MAGI2: variants seen among roughly 807,000 people sequenced by gnomAD.
MAGI2 encodes membrane-associated guanylate kinase, WW and PDZ domain-containing protein 2.
Under a neutral mutation model 133.3 loss-of-function variants are expected in MAGI2, and 35 were observed. The ratio of observed to expected loss-of-function variants is 0.26; its 90% CI spans 0.20 to 0.35. The LOEUF (loss-of-function observed/expected upper bound fraction) is 0.35. Among genes scored for constraint, MAGI2 ranks in the 10% least tolerant of loss-of-function variants. MAGI2 has a pLI of 1.00. For missense variants in MAGI2, 1,636 were observed against 1,863.4 expected (o/e 0.88, Z 2.25); for synonymous variants, 729 against 710.6 (o/e 1.03, Z -0.41).
intron 3 of MAGI2, among the ~76,000 whole-genome samples, chr7:78,557,608 A>G (rs1359632851): frequency 6.6e-6 from 1 of 152,200 alleles, no homozygotes; most frequent in East Asian, 1.9e-4. Flanking sequence ...ACTATGAAAC[A>G]GGATGCTGAC....
At chr7:78,894,454 G>A (rs1797043215) in intron 2 of MAGI2, among the ~76,000 whole-genome samples, 1 of 151,986 alleles carries the variant, frequency 6.6e-6, no homozygotes, top group Non-Finnish European at 1.5e-5. Context: ...TGGGGCCCAG[G>A]ATTAAAAAAT....
At chr7:79,100,170 A>G (rs1456951739) in intron 1 of MAGI2, among the ~76,000 whole-genome samples, 1 of 152,072 alleles carries the variant, frequency 6.6e-6, no homozygotes, top group East Asian at 1.9e-4. Flanking sequence ...TTTTAGGTTT[A>G]TCTGTGCTTC....
At chr7:78,786,306 A>G (rs1024575389) in intron 2 of MAGI2, among the ~76,000 whole-genome samples, 2 of 152,202 alleles carry the variant, frequency 1.3e-5, no homozygotes, top group Admixed American at 1.3e-4. Flanking sequence ...TGTAATATGG[A>G]TTATAGCAGT....
chr7:78,082,073 C>T (rs1816032440), intron 20 of MAGI2, among the ~76,000 whole-genome samples: 1 of 152,248 alleles, frequency 6.6e-6, no homozygotes, highest in East Asian at 1.9e-4. Context: ...CAGCCACTGC[C>T]GCCTTGTGGT....
At position 78,106,559 on chromosome 7, in the gene MAGI2, T is replaced by A. The variant is rs1818713444; in HGVS notation, c.3567+19135A>T. 2.0e-5 allele frequency among the ~76,000 whole-genome samples: 3 copies of A among 152,162 alleles called. No individual in the cohort carries two copies. The South Asian group carries it at 6.2e-4, about 31-fold the overall frequency. ...TTGGATAAAAGCCATTTAACTGGGG[T>A]GAGATGATATCTCATTGTAGGTTTG... On this transcript the variant is annotated intron_variant, in intron 20 of 21. Transcript: ENST00000354212.
chr7:78,861,605 C>G (rs1234623930), intron 2 of MAGI2, among the ~76,000 whole-genome samples: 2 of 152,200 alleles, frequency 1.3e-5, no homozygotes, highest in Non-Finnish European at 2.9e-5. Context: ...ACCTACCATT[C>G]ACTAGTGATG....
intron 1 of MAGI2, among the ~76,000 whole-genome samples, chr7:79,092,829 C>T (rs1432440586): frequency 6.6e-6 from 1 of 152,116 alleles, no homozygotes; most frequent in African/African-American, 2.4e-5. Flanking sequence ...ATCACTACAT[C>T]AACCCCTAAT....
At chr7:79,271,735 C>A (rs1834895719) in intron 1 of MAGI2, among the ~76,000 whole-genome samples, 1 of 150,376 alleles carries the variant, frequency 6.6e-6, no homozygotes, top group African/African-American at 2.5e-5. Flanking sequence ...TGCCACCACA[C>A]CCCTCCATCG....
Position 78,329,105 on chromosome 7 carries a change from C to T in MAGI2, c.1408+14673G>A, listed in dbSNP as rs149207027. On this transcript the variant is annotated intron_variant, in intron 9 of 21. Coordinates refer to ENST00000354212, the MANE Select transcript of MAGI2 (RefSeq NM_012301.4). ...AGCAAAGTAGTAAGTTAGATGATGA[C>T]ACTCAAGATTTACCATGTGTACTCT... is the stretch of plus-strand genomic sequence containing the variant. Among the ~76,000 whole-genome samples, 129 of 152,224 alleles carry T rather than the reference C, an allele frequency of 8.5e-4. No individual in the cohort carries two copies. In the South Asian group the frequency reaches 0.012, roughly 15 times the overall value.
intron 3 of MAGI2, among the ~76,000 whole-genome samples, chr7:78,572,420 T>C (rs1284069563): frequency 2.0e-5 from 3 of 152,132 alleles, no homozygotes; most frequent in Non-Finnish European, 1.5e-5. Flanking sequence ...AGTTCATAGA[T>C]GTGGGGCTAT....
At chr7:79,326,383 G>T (rs1242295529) in intron 1 of MAGI2, among the ~76,000 whole-genome samples, 1 of 152,094 alleles carries the variant, frequency 6.6e-6, no homozygotes, top group African/African-American at 2.4e-5. Flanking sequence ...CTTAGCTCAG[G>T]TTACACTATG....
intron 9 of MAGI2, among the ~76,000 whole-genome samples, chr7:78,306,064 G>A (rs750238456): frequency 1.6e-4 from 25 of 152,108 alleles, no homozygotes; most frequent in African/African-American, 4.8e-4. Context: ...ATTGCAAGTC[G>A]TTGTTGTGGT....
chr7:79,368,847 CAAAAAAAAAAAA>C (rs71095400), intron 1 of MAGI2, among the ~76,000 whole-genome samples: 17,140 of 75,560 alleles, frequency 0.23, 1,253 homozygotes, highest in Middle Eastern at 0.35. Context: ...GACTCCGTCT[CAAAAAAAAAAAA>C]AAAAAAAAAA....
At chr7:79,141,111 C>T (rs1407057957) in intron 1 of MAGI2, among the ~76,000 whole-genome samples, 1 of 152,148 alleles carries the variant, frequency 6.6e-6, no homozygotes, top group South Asian at 2.1e-4. Flanking sequence ...AATTAAAACA[C>T]CTTTCTTCTA....
In MAGI2 at chr7:78,729,439, A is replaced by G. The variant is rs1012019780; in HGVS notation, c.419-102200T>C. Among the ~76,000 whole-genome samples, 3 of 152,212 alleles carry G rather than the reference A, an allele frequency of 2.0e-5. No individual in the cohort carries two copies. In the South Asian group the frequency reaches 6.2e-4, roughly 32 times the overall value. ...TGGCATAGTACTGAAAGAATAGCAA[A>G]AAGAATTCCAGAAGCACACCTTGGC... On this transcript the variant is annotated intron_variant, in intron 2 of 21. Coordinates refer to ENST00000354212, the MANE Select transcript of MAGI2 (RefSeq NM_012301.4).
intron 2 of MAGI2, among the ~76,000 whole-genome samples, chr7:78,958,140 GT>G (rs1292823088): frequency 1.3e-5 from 2 of 152,046 alleles, no homozygotes; most frequent in Non-Finnish European, 2.9e-5. Flanking sequence ...CTGCTCTCCT[GT>G]TTATTTCCTT....
At chr7:78,464,733 A>AT (rs5885066) in intron 6 of MAGI2, among the ~76,000 whole-genome samples, 53,695 of 146,776 alleles carry the variant, frequency 0.37, 10,863 homozygotes, top group Non-Finnish European at 0.48. Flanking sequence ...TAAGAACCTG[A>AT]TTTTTTTTTT....
chr7:78,514,551 C>T (rs1454312693), intron 4 of MAGI2, among the ~76,000 whole-genome samples: 3 of 152,188 alleles, frequency 2.0e-5, no homozygotes, highest in African/African-American at 4.8e-5. Flanking sequence ...AAAATTAAGC[C>T]CTTCTCACCC....
intron 1 of MAGI2, among the ~76,000 whole-genome samples, chr7:79,384,873 T>C (rs1844066011): frequency 1.3e-5 from 2 of 151,752 alleles, no homozygotes; most frequent in African/African-American, 4.8e-5. Context: ...TGAATATTTT[T>C]ATACAGATGG....
Sources: gnomAD v4.1 joint callset for allele counts (sites outside exome capture counted in the v4.1 genomes callset) on GRCh38, gnomAD v4.1.1 for gene constraint, MANE v1.5 for transcripts, NCBI Gene and HGNC (gene_info 2026-07-23, HGNC 2026-07-21) for gene names.